The following TRMT13 variants were observed in gnomAD, a reference collection of about 807,000 sequenced individuals.
TRMT13 encodes tRNA methyltransferase 13.
Under a neutral mutation model 55.9 loss-of-function variants are expected in TRMT13, and 45 were observed. The observed-to-expected ratio is 0.80, with a 90% CI of 0.63 to 1.03. The LOEUF (loss-of-function observed/expected upper bound fraction) is 1.03, where lower values mean the gene tolerates loss of function less well. TRMT13 is among the 50% of genes least tolerant of loss of function. The probability of loss-of-function intolerance (pLI) is 0.00; values close to 1 mark genes in which losing one functional copy is unlikely to be tolerated. For missense variants in TRMT13, 513 were observed against 563.9 expected, an observed-to-expected ratio of 0.91 and a Z score of 0.91; for synonymous variants, 183 against 196.3, an observed-to-expected ratio of 0.93 and a Z score of 0.57.
chr1:100,141,452 C>T (rs1274149219), intron 7 of TRMT13, among the ~76,000 whole-genome samples: 3 of 152,132 alleles, frequency 2.0e-5, no homozygotes, highest in Admixed American at 6.5e-5. Context: ...ATTTCAGCCT[C>T]ATGAGTAGCT....
rs1380978561 is a variant in TRMT13 at position 100,149,344 on chromosome 1, C to G, written c.*524C>G. Reference sequence around the variant, plus strand: ...TTCAGAGATATTCACAATTAATAAACACAATTAATTAATGAAGTCACCTTC... The same window carrying G: ...TTCAGAGATATTCACAATTAATAAAGACAATTAATTAATGAAGTCACCTTC... On this transcript the variant is annotated 3_prime_UTR_variant, in exon 11 of 11. Coordinates refer to ENST00000370141, the MANE Select transcript of TRMT13 (RefSeq NM_019083.3). 1.3e-6 allele frequency: 2 copies of G among 1,541,332 alleles called. No homozygotes were observed. The highest frequency in any genetic ancestry group is 1.7e-6 in the Non-Finnish European group (2 of 1,143,844).
intron 9 of TRMT13, among the ~76,000 whole-genome samples, chr1:100,147,350 T>C (rs975958537): frequency 1.3e-5 from 2 of 152,244 alleles, no homozygotes; most frequent in Non-Finnish European, 2.9e-5. Flanking sequence ...ACAGTAAGGC[T>C]ACTCAGTGAG....
intron 9 of TRMT13, 152 bp from the exon 10 acceptor site, chr1:100,147,742 A>G (rs1657457708): frequency 6.1e-6 from 4 of 661,140 alleles, no homozygotes; most frequent in South Asian, 5.4e-5. Flanking sequence ...GAAGTTGATA[A>G]TTCATGATAG....
At chr1:100,140,624 A>G in intron 6 of TRMT13, 110 bp downstream of exon 6, 1 of 954,188 alleles carries the variant, frequency 1.0e-6, no homozygotes. Context: ...GAGGGTACCA[A>G]ATATTTCCAT....
At chr1:100,142,892 C>CT in intron 7 of TRMT13, 2 of 458,582 alleles carry the variant, frequency 4.4e-6, no homozygotes, top group Non-Finnish European at 7.7e-6. Flanking sequence ...ACTTCAGTTC[C>CT]TTTGTCAGTG....
intron 9 of TRMT13, among the ~76,000 whole-genome samples, chr1:100,146,976 GAATTA>G (rs1308476135): frequency 6.6e-6 from 1 of 152,052 alleles, no homozygotes; most frequent in African/African-American, 2.4e-5. Flanking sequence ...TTCATATATT[GAATTA>G]AATTTACTAG....
chr1:100,148,078 C>G lies in TRMT13; in HGVS notation c.1002C>G (p.Leu334=), dbSNP rs775847020. The change falls in exon 10 of 11, where the codon CTC becomes CTG. Residue 334 remains leucine, a synonymous_variant. Coordinates refer to ENST00000370141, the MANE Select transcript of TRMT13 (RefSeq NM_019083.3). ...WNPVAGIVIA[L]CCHHRCDWRH... ...CTGTGGCTGGCATTGTTATTGCACTCTGTTGTCACCACAGGTGTGATTGGA... is the reference window on the plus strand; with the variant it reads ...CTGTGGCTGGCATTGTTATTGCACTGTGTTGTCACCACAGGTGTGATTGGA... The G allele has an allele frequency of 9.9e-6, 16 of 1,614,098 alleles. No individual in the cohort carries two copies. In the South Asian group the frequency reaches 1.5e-4, roughly 16 times the overall value.
chr1:100,146,481 CCTT>C (rs1657263286), intron 9 of TRMT13, among the ~76,000 whole-genome samples: 1 of 152,064 alleles, frequency 6.6e-6, no homozygotes, highest in Admixed American at 6.6e-5. Flanking sequence ...TGCTAAAGCT[CCTT>C]CTAATTCTGA....
rs771483557 is a variant in TRMT13 at position 100,133,277 on chromosome 1, G to A, written c.109G>A (p.Gly37Arg). The A allele has an allele frequency of 6.2e-7, 1 of 1,614,024 alleles. No individual in the cohort carries two copies. The highest frequency in any genetic ancestry group is 8.5e-7 in the Non-Finnish European group (1 of 1,179,938). ...GTTCTGCAGGATGGTGGTGGCCGCAGGGAAAAGATTTTGTGGTGAACACGC... is the reference window on the plus strand; with the variant it reads ...GTTCTGCAGGATGGTGGTGGCCGCAAGGAAAAGATTTTGTGGTGAACACGC... ...KRFCRMVVAA[G>R]KRFCGEHAGA... Residue 37 changes from glycine (G) to arginine (R), a missense_variant, in exon 1 of 11, where the codon GGG (glycine) becomes AGG (arginine). Physicochemically the swap from Gly to Arg is moderately radical, Grantham distance 125. Transcript: ENST00000370141.
At chr1:100,140,063 A>G (rs1656398962) in intron 4 of TRMT13, 119 bp from the exon 5 acceptor site, 1 of 657,346 alleles carries the variant, frequency 1.5e-6, no homozygotes, top group Non-Finnish European at 2.6e-6. Flanking sequence ...AAGGCTTGAT[A>G]GAGAGAAGAG....
In TRMT13 at chr1:100,147,935, T is replaced by A. The variant is rs1320510517; in HGVS notation, c.859T>A (p.Phe287Ile). Residue 287 changes from phenylalanine (F) to isoleucine (I), a missense_variant, in exon 10 of 11, where the codon TTT becomes ATT. Phe to Ile is a conservative substitution (Grantham distance 21, BLOSUM62 0). Coordinates refer to ENST00000370141, the MANE Select transcript of TRMT13 (RefSeq NM_019083.3). ...TTTGGTTGAAACCTATGCTGCCAGT[T>A]TTGAGGAAAGGAATGAAGAACCTTT... ...RCLVETYAAS[F>I]EERNEEPLAK... The A allele has an allele frequency of 3.1e-6, 5 of 1,611,652 alleles. No individual in the cohort carries two copies. In the East Asian group the frequency reaches 1.1e-4, roughly 36 times the overall value.
At position 100,149,600 on chromosome 1, in the gene TRMT13, A is replaced by G; in HGVS notation, c.*780A>G. 1 of 556,654 alleles carries G rather than the reference A, an allele frequency of 1.8e-6. No individual in the cohort carries two copies. Among genetic ancestry groups the G allele is most frequent in the African/African-American group, 2.0e-5 (1 of 51,194 alleles). 34.5% of individuals were successfully genotyped at this position (556,654 alleles called of 1,614,324 possible). A position where few individuals can be genotyped will look rare whatever the true frequency, so the allele number is the denominator to read the frequency against. ...TTATCAGGTCATTTTTTATATATGT[A>G]GGCACAAACAATAAGTATGTTCTCT... On this transcript the variant is annotated 3_prime_UTR_variant, in exon 11 of 11. Transcript: ENST00000370141.
chr1:100,148,032 A>G lies in TRMT13; in HGVS notation c.956A>G (p.Asn319Ser). ...TTGGCCAAGGAAGGAAATGAAAAAA[A>G]TGTCCCAGAGAAGTGGAACCCTGTG... ...YTLAKEGNEK[N>S]VPEKWNPVAG... The change falls in exon 10 of 11, where the codon AAT (asparagine) becomes AGT (serine). Residue 319 changes from asparagine to serine, a missense_variant. Asn to Ser is a conservative substitution (Grantham distance 46). This residue lies in a region of TRMT13 where 209 missense variants were observed against 255.8 expected (regional missense o/e 0.82). Coordinates refer to ENST00000370141, the MANE Select transcript of TRMT13 (RefSeq NM_019083.3). 1 of 1,614,232 alleles carries G rather than the reference A, an allele frequency of 6.2e-7. No homozygotes were observed. The highest frequency in any genetic ancestry group is 8.5e-7 in the Non-Finnish European group (1 of 1,180,044).
chr1:100,149,617 ATGTT>A lies in TRMT13; in HGVS notation c.*798_*801del, dbSNP rs1312667349. On this transcript the variant is annotated 3_prime_UTR_variant, in exon 11 of 11. Coordinates refer to ENST00000370141, the MANE Select transcript of TRMT13 (RefSeq NM_019083.3). ...ATATATGTAGGCACAAACAATAAGT[ATGTT>A]CTCTTCTGTTTGGGAAAATAATTTG... is the stretch of plus-strand genomic sequence containing the variant. The A allele has an allele frequency of 2.1e-6, 1 of 486,856 alleles. No individual in the cohort carries two copies. Among genetic ancestry groups the A allele is most frequent in the East Asian group, 4.0e-5 (1 of 25,260 alleles). The allele number at this position is 486,856 out of a possible 1,614,324, so 30.2% of individuals were successfully genotyped here. A position where few individuals can be genotyped will look rare whatever the true frequency, so the allele number is the denominator to read the frequency against.
At chr1:100,140,549 C>G in intron 6 of TRMT13, 35 bp downstream of exon 6, 1 of 1,423,498 alleles carries the variant, frequency 7.0e-7, no homozygotes, top group Non-Finnish European at 9.9e-7. Flanking sequence ...TAAACATGGC[C>G]TTTGTTCATT....
In TRMT13 at chr1:100,150,221, T is replaced by G. The variant is rs1459328761; in HGVS notation, c.*1401T>G. On this transcript the variant is annotated 3_prime_UTR_variant, in exon 11 of 11. Transcript: ENST00000370141. ...AAATATTAACTAGTAATAGTAGTGG[T>G]AGTAACTCGTGAATCTTTTTAATAA... 6.6e-6 allele frequency: 1 copy of G among 152,172 alleles called. No individual in the cohort carries two copies. The highest frequency in any genetic ancestry group is 1.5e-5 in the Non-Finnish European group (1 of 68,026). The allele number at this position is 152,172 out of a possible 1,614,324, so 9.4% of individuals were successfully genotyped here.
At position 100,149,464 on chromosome 1, in the gene TRMT13, CTTAA is replaced by C; in HGVS notation, c.*648_*651del. Reference sequence around the variant, plus strand: ...TTTTCAAAGAAAAAAGATTATTTCACTTAATTATTTTGTTGGATAATTGTCTAGT... The same window carrying C: ...TTTTCAAAGAAAAAAGATTATTTCACTTATTTTGTTGGATAATTGTCTAGT... On this transcript the variant is annotated 3_prime_UTR_variant, in exon 11 of 11. Coordinates refer to ENST00000370141, the MANE Select transcript of TRMT13 (RefSeq NM_019083.3). 2 of 1,528,534 alleles carry C rather than the reference CTTAA, an allele frequency of 1.3e-6. No homozygotes were observed. The highest frequency in any genetic ancestry group is 1.8e-6 in the Non-Finnish European group (2 of 1,138,076). The allele number at this position is 1,528,534 out of a possible 1,614,324, so 94.7% of individuals were successfully genotyped here.
rs570752026 is a variant in TRMT13 at position 100,142,807 on chromosome 1, A to C, written c.670-330A>C. 3.5e-5 allele frequency: 9 copies of C among 259,944 alleles called. No homozygotes were observed. The Admixed American group carries it at 4.2e-4, about 12-fold the overall frequency. The allele number at this position is 259,944 out of a possible 1,614,324, so 16.1% of individuals were successfully genotyped here. The stretch of plus-strand genomic sequence containing the variant: ...AGGAGAGCAAGAAGAGGAGCGAACC[A>C]AAAATAGTACACCAGGAGTGACAAA... On this transcript the variant is annotated intron_variant, in intron 7 of 10. Transcript: ENST00000370141.
intron 4 of TRMT13, 36 bp downstream of exon 4, chr1:100,139,747 T>G: frequency 7.8e-7 from 1 of 1,281,252 alleles, no homozygotes; most frequent in East Asian, 2.5e-5. Context: ...TTTTAAAAGA[T>G]ATTTATAAGC....
Sources: allele counts gnomAD v4.1 joint callset (sites outside exome capture counted in the v4.1 genomes callset), GRCh38; gene constraint gnomAD v4.1.1; regional missense constraint gnomAD v4.1.1; transcripts MANE v1.5; gene names NCBI Gene and HGNC (gene_info 2026-07-23, HGNC 2026-07-21).